The following KAZN variants were observed in gnomAD, a reference collection of about 807,000 sequenced individuals.
KAZN encodes the protein kazrin, periplakin interacting protein, also known as kazrin.
KAZN carries 40 observed loss-of-function variants against 87.4 expected under a neutral mutation model. The observed-to-expected ratio is 0.46, with a 90% CI of 0.36 to 0.60. KAZN has a LOEUF of 0.60. Ranked by LOEUF, KAZN falls within the 20% of genes least tolerant of loss-of-function variation. KAZN has a pLI of 0.00. For missense variants in KAZN, 898 were observed against 1,073.9 expected, an observed-to-expected ratio of 0.84 and a Z score of 2.29; for synonymous variants, 466 against 458.3, an observed-to-expected ratio of 1.02 and a Z score of -0.22.
At chr1:15,106,550 T>C (rs1346397785) in intron 13 of KAZN, among the ~76,000 whole-genome samples, 2 of 152,150 alleles carry the variant, frequency 1.3e-5, no homozygotes, top group Non-Finnish European at 2.9e-5. Flanking sequence ...GAGAAGGGAC[T>C]GGTGGGGACA....
intron 2 of KAZN, among the ~76,000 whole-genome samples, chr1:14,386,406 T>C (rs1268135138): frequency 5.3e-5 from 8 of 151,836 alleles, no homozygotes; most frequent in African/African-American, 1.7e-4. Flanking sequence ...TTCTTCCTAG[T>C]CTCAATGGTC....
At chr1:14,216,553 G>C (rs1310750761) in intron 2 of KAZN, among the ~76,000 whole-genome samples, 1 of 152,142 alleles carries the variant, frequency 6.6e-6, no homozygotes, top group Non-Finnish European at 1.5e-5. Flanking sequence ...AGGAGAAGGT[G>C]CTGTAAAGCC....
chr1:14,636,704 C>G (rs1442449879), intron 1 of KAZN, among the ~76,000 whole-genome samples: 1 of 152,182 alleles, frequency 6.6e-6, no homozygotes, highest in Non-Finnish European at 1.5e-5. Context: ...CTCCAAGTTG[C>G]AAGGAGGCGA....
At position 13,919,123 on chromosome 1, in the gene KAZN, G is replaced by A. The variant is rs528137334; in HGVS notation, c.91+25367G>A. 2.6e-5 allele frequency among the ~76,000 whole-genome samples: 4 copies of A among 152,326 alleles called. No individual in the cohort carries two copies. In the South Asian group the frequency reaches 8.3e-4, roughly 32 times the overall value. ...ACTATGGCTCAGTGAGTTATCACAA[G>A]TGAATACATCTGTATAACCACTTCT... On this transcript the variant is annotated intron_variant, in intron 1 of 16. Transcript: ENST00000636203.
At chr1:13,946,950 G>A (rs1480411819) in intron 1 of KAZN, among the ~76,000 whole-genome samples, 5 of 152,062 alleles carry the variant, frequency 3.3e-5, no homozygotes, top group Non-Finnish European at 7.4e-5. Flanking sequence ...GGTATCAGTG[G>A]GGCTGCATTC....
chr1:14,019,565 C>T (rs1640729159), intron 1 of KAZN, among the ~76,000 whole-genome samples: 1 of 152,192 alleles, frequency 6.6e-6, no homozygotes, highest in African/African-American at 2.4e-5. Flanking sequence ...ACAACAGAAC[C>T]TCCACCTGCC....
chr1:13,932,005 C>T (rs1183668594), intron 1 of KAZN, among the ~76,000 whole-genome samples: 1 of 119,872 alleles, frequency 8.3e-6, no homozygotes, highest in Non-Finnish European at 1.7e-5. Context: ...CTAGGCTTGG[C>T]TAATTTTTTT....
chr1:14,513,049 A>C (rs1671001371), intron 2 of KAZN, among the ~76,000 whole-genome samples: 1 of 152,168 alleles, frequency 6.6e-6, no homozygotes, highest in Non-Finnish European at 1.5e-5. Flanking sequence ...TTGCTTATAA[A>C]AGATCTCTTT....
At chr1:15,013,176 G>A (rs760097012) in intron 2 of KAZN, among the ~76,000 whole-genome samples, 1 of 152,148 alleles carries the variant, frequency 6.6e-6, no homozygotes. Context: ...CTCTGCACCT[G>A]TACACGCCTC....
At chr1:15,092,949 C>G (rs990367038) in intron 8 of KAZN, among the ~76,000 whole-genome samples, 3 of 149,032 alleles carry the variant, frequency 2.0e-5, no homozygotes, top group Non-Finnish European at 4.4e-5. Context: ...TCTGTGAGGG[C>G]CATTCCAGAA....
chr1:15,020,230 C>T (rs1670531014), intron 2 of KAZN, among the ~76,000 whole-genome samples: 1 of 152,204 alleles, frequency 6.6e-6, no homozygotes, highest in Non-Finnish European at 1.5e-5. Flanking sequence ...GAGGGCATTG[C>T]ATATACAAAA....
intron 2 of KAZN, among the ~76,000 whole-genome samples, chr1:14,386,643 C>A (rs1661920627): frequency 6.6e-6 from 1 of 152,106 alleles, no homozygotes. Flanking sequence ...ATATTGGCCC[C>A]CACTCTCTTC....
intron 1 of KAZN, among the ~76,000 whole-genome samples, chr1:14,763,549 T>C (rs1330406272): frequency 6.6e-6 from 1 of 152,208 alleles, no homozygotes; most frequent in Non-Finnish European, 1.5e-5. Flanking sequence ...AAAGGCATTG[T>C]TCTTCTGGGG....
intron 2 of KAZN, among the ~76,000 whole-genome samples, chr1:14,389,848 C>A (rs911253374): frequency 6.6e-5 from 10 of 151,548 alleles, no homozygotes; most frequent in East Asian, 2.0e-4. Context: ...TTAAAAATAA[C>A]TAAAAGAGTA....
chr1:14,130,046 C>A (rs1644959014), intron 1 of KAZN, among the ~76,000 whole-genome samples: 1 of 152,162 alleles, frequency 6.6e-6, no homozygotes, highest in Non-Finnish European at 1.5e-5. Flanking sequence ...GATTCAGAAA[C>A]CCTAATCAAT....
intron 2 of KAZN, among the ~76,000 whole-genome samples, chr1:14,538,859 G>A (rs1028560631): frequency 1.3e-5 from 2 of 152,148 alleles, no homozygotes; most frequent in Non-Finnish European, 2.9e-5. Context: ...GTATAACACA[G>A]CATCCACCAC....
intron 1 of KAZN, among the ~76,000 whole-genome samples, chr1:14,644,094 C>A (rs562520697): frequency 2.5e-4 from 37 of 149,716 alleles, no homozygotes; most frequent in African/African-American, 9.1e-4. Flanking sequence ...TCACTGCAAC[C>A]TCCACCTCTC....
At chr1:14,095,853 C>T (rs1053703686) in intron 1 of KAZN, among the ~76,000 whole-genome samples, 1 of 152,100 alleles carries the variant, frequency 6.6e-6, no homozygotes. Context: ...ACTGTCAAAG[C>T]AAGCATAAGA....
chr1:14,716,766 G>A (rs1322159274), intron 1 of KAZN, among the ~76,000 whole-genome samples: 1 of 152,114 alleles, frequency 6.6e-6, no homozygotes, highest in African/African-American at 2.4e-5. Context: ...TCTGCAAACT[G>A]TGCTCTGTGA....
Sources: allele counts gnomAD v4.1 joint callset (sites outside exome capture counted in the v4.1 genomes callset), GRCh38; gene constraint gnomAD v4.1.1; transcripts MANE v1.5; gene names NCBI Gene and HGNC (gene_info 2026-07-23, HGNC 2026-07-21).